RPH3A: variants seen among roughly 807,000 people sequenced by gnomAD.
RPH3A encodes rabphilin-3A.
A neutral mutation model predicts 102.2 loss-of-function variants in RPH3A; 48 were observed. The observed-to-expected ratio is 0.47, with a 90% CI of 0.37 to 0.60. The LOEUF is 0.60. Ranked by LOEUF, RPH3A falls within the 20% of genes least tolerant of loss-of-function variation. The pLI is 0.00. For missense variants in RPH3A, 781 were observed against 910.1 expected (o/e 0.86, Z 1.83); for synonymous variants, 310 against 324.3 (o/e 0.96, Z 0.47).
At chr12:112,790,152 G>C (rs1461602743), upstream of RPH3A, among the ~76,000 whole-genome samples, 1 of 152,008 alleles carries the variant, frequency 6.6e-6, no homozygotes, top group Non-Finnish European at 1.5e-5. Flanking sequence ...TGCCTTCCAG[G>C]TTCATGTGAT....
At chr12:112,777,562 A>G (rs1461930212) in intron 1 of RPH3A, among the ~76,000 whole-genome samples, 1 of 152,222 alleles carries the variant, frequency 6.6e-6, no homozygotes, top group Non-Finnish European at 1.5e-5. Flanking sequence ...TGTGCCAGAG[A>G]TGGAGATACC....
chr12:112,588,137 A>G (rs1344020838), intron 1 of RPH3A, among the ~76,000 whole-genome samples: 1 of 152,210 alleles, frequency 6.6e-6, no homozygotes, highest in Admixed American at 6.5e-5. Flanking sequence ...GCTGGGCACA[A>G]TGAAGTTGCT....
intron 3 of RPH3A, chr12:112,831,632 G>T: frequency 7.4e-6 from 2 of 269,534 alleles, no homozygotes; most frequent in Non-Finnish European, 1.5e-5. Context: ...GGTGCTTCTT[G>T]GGGCCACTTT....
At chr12:112,837,019 T>C (rs1341287407) in intron 4 of RPH3A, among the ~76,000 whole-genome samples, 1 of 152,248 alleles carries the variant, frequency 6.6e-6, no homozygotes, top group Admixed American at 6.5e-5. Context: ...ACAACTTTTG[T>C]GTTTTTAATT....
chr12:112,731,054 G>A (rs1415573464), intron 1 of RPH3A, among the ~76,000 whole-genome samples: 1 of 152,182 alleles, frequency 6.6e-6, no homozygotes, highest in East Asian at 1.9e-4. Context: ...TGTTCCAGAG[G>A]GATCCTCTCT....
intron 1 of RPH3A, among the ~76,000 whole-genome samples, chr12:112,753,364 G>C (rs1332837731): frequency 2.6e-5 from 4 of 152,112 alleles, no homozygotes; most frequent in Non-Finnish European, 5.9e-5. Context: ...TTCTGTGCTG[G>C]GCTCTTCTGG....
At chr12:112,738,317 C>T (rs1345304626) in intron 1 of RPH3A, among the ~76,000 whole-genome samples, 4 of 152,022 alleles carry the variant, frequency 2.6e-5, no homozygotes, top group Non-Finnish European at 4.4e-5. Flanking sequence ...CTCAGCCTCC[C>T]GAGTAGCTGG....
At chr12:112,890,521 ATC>A (rs2136266382) in intron 18 of RPH3A, among the ~76,000 whole-genome samples, 1 of 152,308 alleles carries the variant, frequency 6.6e-6, no homozygotes, top group Non-Finnish European at 1.5e-5. Context: ...AGAGGCAAGA[ATC>A]TGTCTGGGGC....
intron 1 of RPH3A, among the ~76,000 whole-genome samples, chr12:112,766,833 C>T (rs918238318): frequency 5.3e-5 from 8 of 152,178 alleles, no homozygotes; most frequent in Admixed American, 3.3e-4. Flanking sequence ...AGCAGCATAG[C>T]TCAGTCTTTA....
intron 1 of RPH3A, among the ~76,000 whole-genome samples, chr12:112,753,856 C>A (rs535309112): frequency 6.6e-6 from 1 of 152,020 alleles, no homozygotes; most frequent in Non-Finnish European, 1.5e-5. Flanking sequence ...TTTGAAGATG[C>A]GATAAAGTTA....
At chr12:112,601,564 A>G (rs762370539) in intron 1 of RPH3A, among the ~76,000 whole-genome samples, 1 of 151,884 alleles carries the variant, frequency 6.6e-6, no homozygotes, top group Non-Finnish European at 1.5e-5. Flanking sequence ...AAGTACATAT[A>G]GACTATTTTT....
At chr12:112,854,096 A>G (rs938264781) in intron 5 of RPH3A, among the ~76,000 whole-genome samples, 1 of 152,206 alleles carries the variant, frequency 6.6e-6, no homozygotes, top group Non-Finnish European at 1.5e-5. Flanking sequence ...GTTTTGGGAC[A>G]GATAATTCTT....
chr12:112,611,250 A>G (rs2039637221), intron 1 of RPH3A, among the ~76,000 whole-genome samples: 1 of 152,166 alleles, frequency 6.6e-6, no homozygotes, highest in Non-Finnish European at 1.5e-5. Context: ...TTTCATTTTC[A>G]CAGGAGAGAG....
intron 5 of RPH3A, among the ~76,000 whole-genome samples, chr12:112,864,841 G>T (rs1042849835): frequency 6.6e-6 from 1 of 152,122 alleles, no homozygotes; most frequent in Non-Finnish European, 1.5e-5. Flanking sequence ...ATTCAGTTGG[G>T]CTGGGGTGGA....
At chr12:112,838,317 A>G (rs1340907346) in intron 4 of RPH3A, among the ~76,000 whole-genome samples, 2 of 152,230 alleles carry the variant, frequency 1.3e-5, no homozygotes, top group East Asian at 3.8e-4. Context: ...AGTCTGGCTA[A>G]AAAGATTAAC....
intron 1 of RPH3A, among the ~76,000 whole-genome samples, chr12:112,654,405 T>G (rs1458808941): frequency 2.0e-5 from 3 of 151,922 alleles, no homozygotes; most frequent in African/African-American, 7.3e-5. Flanking sequence ...TCTCTTGCCT[T>G]TTTTTTTCAC....
intron 1 of RPH3A, among the ~76,000 whole-genome samples, chr12:112,681,974 C>A (rs2040229135): frequency 6.6e-6 from 1 of 152,166 alleles, no homozygotes; most frequent in Non-Finnish European, 1.5e-5. Context: ...ATTCTTTTTG[C>A]CCCTTGGTTC....
At chr12:112,888,477 G>C (rs2086199570) in intron 17 of RPH3A, among the ~76,000 whole-genome samples, 1 of 152,212 alleles carries the variant, frequency 6.6e-6, no homozygotes, top group Non-Finnish European at 1.5e-5. Flanking sequence ...GCATAGCCTA[G>C]AGTTTAAGAG....
chr12:112,896,882 T>G lies in RPH3A; in HGVS notation c.*102T>G. The stretch of plus-strand genomic sequence containing the variant: ...TCTTCTCTATGCCTACCTCCCCCCA[T>G]ACCCTGCTGATCTCCCTGAGCCTGC... On this transcript the variant is annotated 3_prime_UTR_variant, in exon 22 of 22. Transcript: ENST00000389385. 4.2e-5 allele frequency: 53 copies of G among 1,250,738 alleles called. No homozygotes were observed. Among genetic ancestry groups the G allele is most frequent in the East Asian group, 5.1e-5 (2 of 39,106 alleles). The allele number at this position is 1,250,738 out of a possible 1,614,324, so 77.5% of individuals were successfully genotyped here.
Sources: allele counts gnomAD v4.1 joint callset (sites outside exome capture counted in the v4.1 genomes callset), GRCh38; gene constraint gnomAD v4.1.1; transcripts MANE v1.5; gene names NCBI Gene and HGNC (gene_info 2026-07-23, HGNC 2026-07-21).